Variants in PLXNA1 observed in about 807,000 individuals in gnomAD.
The protein encoded by PLXNA1 is plexin A1.
In PLXNA1, 77 loss-of-function variants were observed where a neutral mutation model predicts 191.7. The observed-to-expected ratio is 0.40, with a 90% CI of 0.33 to 0.49. The LOEUF (loss-of-function observed/expected upper bound fraction) is 0.49. Ranked by LOEUF, PLXNA1 falls within the 20% of genes least tolerant of loss-of-function variation. The pLI, the probability that PLXNA1 is intolerant of heterozygous loss-of-function variation, is 0.63. For synonymous variants in PLXNA1, 1,137 were observed against 1,156.4 expected, an observed-to-expected ratio of 0.98 and a Z score of 0.34; for missense variants, 2,110 against 2,660.2, an observed-to-expected ratio of 0.79 and a Z score of 4.55.
chr3:126,995,830 TC>T (rs749488087), intron 3 of PLXNA1, among the ~76,000 whole-genome samples: 21 of 152,212 alleles, frequency 1.4e-4, no homozygotes, highest in Non-Finnish European at 2.8e-4. Flanking sequence ...GGCCTTGGTT[TC>T]CTTCCCTGGA....
chr3:127,002,485 G>A (rs2079045847), intron 3 of PLXNA1, among the ~76,000 whole-genome samples: 1 of 152,230 alleles, frequency 6.6e-6, no homozygotes, highest in Admixed American at 6.5e-5. Flanking sequence ...CGTGAGGAGT[G>A]AGGACACAGA....
Position 127,018,319 on chromosome 3 carries a change from C to T in PLXNA1, c.3686C>T (p.Ser1229Leu), listed in dbSNP as rs368565319. The change falls in exon 20 of 32, where the codon TCG becomes TTG. Residue 1229 changes from serine to leucine, a missense_variant. Around this residue, in one of 4 missense-constraint regions of PLXNA1, gnomAD observed 644 missense variants for 714.3 expected, o/e 0.90. Coordinates refer to ENST00000393409, the MANE Select transcript of PLXNA1 (RefSeq NM_032242.4). ...GTGCGGGCAGGTGGCTTCGAGTTCT[C>T]GCCAGGGACACTGCAGGTGTACTCG... ...VTVRAGGFEF[S>L]PGTLQVYSDS... 17 of 1,609,798 alleles carry T rather than the reference C, an allele frequency of 1.1e-5. No homozygotes were observed. Among genetic ancestry groups the T allele is most frequent in the Non-Finnish European group, 1.4e-5 (16 of 1,178,572 alleles).
chr3:126,997,398 A>G (rs1448497268), intron 3 of PLXNA1, among the ~76,000 whole-genome samples: 5 of 152,146 alleles, frequency 3.3e-5, no homozygotes, highest in African/African-American at 7.2e-5. Flanking sequence ...TGTGGGGTCA[A>G]TGGGCATGAG....
chr3:127,032,252 A>C, intron 29 of PLXNA1, 135 bp from the exon 30 acceptor site: 1 of 836,084 alleles, frequency 1.2e-6, no homozygotes, highest in Non-Finnish European at 1.9e-6. Flanking sequence ...TGGGCCCTGC[A>C]CCTCTGTGGG....
chr3:126,984,849 G>A (rs1576665314), intron 1 of PLXNA1, among the ~76,000 whole-genome samples: 1 of 152,226 alleles, frequency 6.6e-6, no homozygotes, highest in African/African-American at 2.4e-5. Flanking sequence ...CAGCTGGCCG[G>A]GAGGAGCGGG....
intron 31 of PLXNA1, 71 bp downstream of exon 31, chr3:127,032,907 C>T: frequency 1.4e-6 from 2 of 1,474,878 alleles, no homozygotes; most frequent in Non-Finnish European, 1.9e-6. Context: ...ACCTGCTCTG[C>T]CCCGCCCTGC....
chr3:127,027,389 T>C (rs1248943757), intron 23 of PLXNA1: 1 of 353,550 alleles, frequency 2.8e-6, no homozygotes, highest in Non-Finnish European at 5.5e-6. Flanking sequence ...TATGTCAGTA[T>C]CCATGACACA....
intron 8 of PLXNA1, among the ~76,000 whole-genome samples, chr3:127,006,743 G>C (rs1455090038): frequency 2.6e-5 from 4 of 152,126 alleles, no homozygotes; most frequent in African/African-American, 4.8e-5. Flanking sequence ...CACGCCCCCT[G>C]CTTGGGCAGG....
chr3:126,985,896 G>A (rs568027255), intron 1 of PLXNA1, among the ~76,000 whole-genome samples: 3 of 152,334 alleles, frequency 2.0e-5, no homozygotes, highest in African/African-American at 7.2e-5. Context: ...GGGCATGAGG[G>A]ACCCAGCCCT....
At position 127,032,393 on chromosome 3, in the gene PLXNA1, C is replaced by T. The variant is rs1251855707; in HGVS notation, c.5238C>T (p.Pro1746=). The T allele has an allele frequency of 1.2e-6, 2 of 1,613,750 alleles. No homozygotes were observed. The highest frequency in any genetic ancestry group is 1.1e-5 in the South Asian group (1 of 91,078). The change falls in exon 30 of 32, where the codon CCC becomes CCT. Residue 1746 remains proline (P), a synonymous_variant. Coordinates refer to ENST00000393409, the MANE Select transcript of PLXNA1 (RefSeq NM_032242.4). The stretch of plus-strand genomic sequence containing the variant: ...CCTGGACTCTCGCCTGCAGCCTGCC[C>T]CTGCGCTTCTGGGTGAACGTGATCA... The part of the protein sequence containing the change: ...VRHTWKSNCL[P]LRFWVNVIKN...
chr3:127,011,498 C>G (rs568380835), intron 9 of PLXNA1, among the ~76,000 whole-genome samples: 2 of 152,344 alleles, frequency 1.3e-5, no homozygotes, highest in African/African-American at 4.8e-5. Flanking sequence ...TCTCCTGAGG[C>G]CAGCAGCAGC....
At chr3:127,028,365 C>T in intron 25 of PLXNA1, 25 bp downstream of exon 25, 1 of 1,599,690 alleles carries the variant, frequency 6.3e-7, no homozygotes, top group Non-Finnish European at 8.5e-7. Flanking sequence ...CCACGGCTGC[C>T]CGGGGTGTGT....
intron 2 of PLXNA1, among the ~76,000 whole-genome samples, chr3:126,990,428 G>T (rs533726920): frequency 5.3e-5 from 8 of 152,236 alleles, no homozygotes; most frequent in Non-Finnish European, 1.0e-4. Context: ...AGGCACAGCT[G>T]GGGTGGGGCC....
intron 3 of PLXNA1, among the ~76,000 whole-genome samples, chr3:127,001,480 G>A (rs1393585030): frequency 3.9e-5 from 6 of 152,232 alleles, no homozygotes; most frequent in African/African-American, 7.2e-5. Flanking sequence ...GTAGGGGAGG[G>A]GGAGCTGGGG....
Position 127,017,489 on chromosome 3 carries a change from G to A in PLXNA1, c.3341G>A (p.Arg1114His), listed in dbSNP as rs545559492. 52 of 1,613,530 alleles carry A rather than the reference G, an allele frequency of 3.2e-5. No individual in the cohort carries two copies. Among genetic ancestry groups the A allele is most frequent in the East Asian group, 1.3e-4 (6 of 44,876 alleles). The change falls in exon 18 of 32, where the codon CGC becomes CAC. Residue 1114 changes from arginine to histidine, a missense_variant. Transcript: ENST00000393409. The part of the protein sequence containing the change: ...CRAPSVANPV[R>H]SPPELGERPD... ...GCCCCGTCTGTGGCCAACCCTGTGC[G>A]CAGCCCACCAGAGCTGGGGGAGCGG...
intron 2 of PLXNA1, among the ~76,000 whole-genome samples, chr3:126,990,368 G>A (rs1358976598): frequency 6.6e-6 from 1 of 152,236 alleles, no homozygotes; most frequent in Non-Finnish European, 1.5e-5. Context: ...ACAACTTGCA[G>A]AGAAAGTGAC....
In PLXNA1 at chr3:127,022,335, T is replaced by C; in HGVS notation, c.4289T>C (p.Leu1430Pro). Residue 1430 changes from leucine to proline, a missense_variant, in exon 22 of 32, where the codon CTG becomes CCG. Physicochemically the swap from Leu to Pro is moderately conservative, Grantham distance 98 (BLOSUM62 -3). Around this residue, in one of 4 missense-constraint regions of PLXNA1, gnomAD observed 559 missense variants for 911.5 expected, o/e 0.61. Transcript: ENST00000393409. ...AGCAAGAACCACCCCAAGCTGCTACTGCGCCGGTGAGCCTGGGGGGCACTG... is the reference window on the plus strand; with the variant it reads ...AGCAAGAACCACCCCAAGCTGCTACCGCGCCGGTGAGCCTGGGGGGCACTG... Reference protein sequence around the residue: ...LESKNHPKLLLRRTESVAEKM... With the variant: ...LESKNHPKLLPRRTESVAEKM... The C allele has an allele frequency of 6.2e-7, 1 of 1,609,256 alleles. No homozygotes were observed. Among genetic ancestry groups the C allele is most frequent in the Non-Finnish European group, 8.5e-7 (1 of 1,176,566 alleles).
At chr3:127,021,796 G>A (rs756929382) in intron 21 of PLXNA1, among the ~76,000 whole-genome samples, 3 of 152,174 alleles carry the variant, frequency 2.0e-5, no homozygotes, top group Non-Finnish European at 2.9e-5. Context: ...TTGTCATGTC[G>A]GCTTGCAGGG....
chr3:126,998,609 G>A (rs1440134401), intron 3 of PLXNA1, among the ~76,000 whole-genome samples: 11 of 152,218 alleles, frequency 7.2e-5, no homozygotes, highest in African/African-American at 2.4e-4. Context: ...GTGCACATCT[G>A]CCCCACAGCA....
Sources: gnomAD v4.1 joint callset for allele counts (sites outside exome capture counted in the v4.1 genomes callset) on GRCh38, gnomAD v4.1.1 for gene constraint, gnomAD v4.1.1 regional missense constraint, MANE v1.5 for transcripts, NCBI Gene and HGNC (gene_info 2026-07-23, HGNC 2026-07-21) for gene names.